Variants in C4orf50 observed in about 807,000 individuals in gnomAD.
The protein encoded by C4orf50 is uncharacterized protein C4orf50.
A neutral mutation model predicts 77.2 loss-of-function variants in C4orf50; 80 were observed. The ratio of observed to expected loss-of-function variants is 1.04; its 90% CI spans 0.87 to 1.25. The LOEUF (loss-of-function observed/expected upper bound fraction) is 1.25, where lower values mean the gene tolerates loss of function less well. C4orf50 is among the 50% of genes most tolerant of loss of function. C4orf50 has a pLI of 0.00. For synonymous variants in C4orf50, 532 were observed against 465.3 expected, an observed-to-expected ratio of 1.14 and a Z score of -1.84; for missense variants, 1,257 against 1,152.9, an observed-to-expected ratio of 1.09 and a Z score of -1.31.
In C4orf50 at chr4:6,011,456, A is replaced by C; in HGVS notation, c.426+374T>G. Among the ~76,000 whole-genome samples, 1 of 151,390 alleles carries C rather than the reference A, an allele frequency of 6.6e-6. No individual in the cohort carries two copies. The highest frequency in any genetic ancestry group is 2.0e-4 in the East Asian group (1 of 5,110). On this transcript the variant is annotated intron_variant, in intron 24 of 33. Transcript: ENST00000531445. This position sits in a 1 kb window ranked among gnomAD's most constrained non-coding sequence, Gnocchi z 4.2. ...GCCCCCTGAACACACGCCATGGGGGATCGCACACTCCCCCATGGCACCCCA... is the reference window on the plus strand; with the variant it reads ...GCCCCCTGAACACACGCCATGGGGGCTCGCACACTCCCCCATGGCACCCCA...
At chr4:5,926,198 G>C (rs1364688462) in intron 7 of C4orf50, among the ~76,000 whole-genome samples, 1 of 152,216 alleles carries the variant, frequency 6.6e-6, no homozygotes, top group African/African-American at 2.4e-5. Flanking sequence ...ATGTTCATCA[G>C]CTGGTGAATG....
intron 33 of C4orf50, among the ~76,000 whole-genome samples, chr4:5,962,587 C>G (rs532029129): frequency 3.0e-4 from 46 of 152,352 alleles, no homozygotes; most frequent in African/African-American, 1.1e-3. Context: ...ACCCCGCCCC[C>G]ATCCAGGCCA....
At chr4:5,995,815 A>T (rs73196036) in intron 25 of C4orf50, among the ~76,000 whole-genome samples, 9,848 of 152,256 alleles carry the variant, frequency 0.065, 342 homozygotes, top group African/African-American at 0.076. Context: ...GAAAACATTT[A>T]TTAGGCTCCT....
intron 33 of C4orf50, 65 bp downstream of exon 11, chr4:5,964,959 G>A (rs1043854452): frequency 2.6e-6 from 4 of 1,525,748 alleles, no homozygotes; most frequent in East Asian, 2.3e-5. Context: ...TTGCTAAGCT[G>A]TAAATGTGTT....
At chr4:5,903,541 T>C (rs950183234) in intron 7 of C4orf50, 2 of 152,122 alleles carry the variant, frequency 1.3e-5, no homozygotes, top group Admixed American at 1.3e-4. Context: ...AAACTAGTCA[T>C]GAAAGGACAA....
At position 5,926,401 on chromosome 4, in the gene C4orf50, G is replaced by A. The variant is rs975521614; in HGVS notation, c.*2475-28213C>T. ...CCAGAGCAGACAGACCCACAGGGAC[G>A]GAAAGTGGACCGCCGGATGTCAGTT... On this transcript the variant is annotated intron_variant, in intron 7 of 7. Coordinates refer to the C4orf50 transcript ENST00000324058. Among the ~76,000 whole-genome samples, 109 of 152,184 alleles carry A rather than the reference G, an allele frequency of 7.2e-4. 1 individual carries two copies. Among genetic ancestry groups the A allele is most frequent in the Non-Finnish European group, 3.7e-4 (25 of 68,028 alleles).
At chr4:5,935,190 C>T (rs1415077107) in intron 7 of C4orf50, among the ~76,000 whole-genome samples, 2 of 152,166 alleles carry the variant, frequency 1.3e-5, no homozygotes, top group Non-Finnish European at 2.9e-5. Context: ...AGCAATGGTG[C>T]CACTGCCACT....
intron 33 of C4orf50, 96 bp downstream of exon 11, chr4:5,964,928 G>T: frequency 8.4e-7 from 1 of 1,192,686 alleles, no homozygotes; most frequent in Non-Finnish European, 1.2e-6. Flanking sequence ...TGGCTTTCTG[G>T]GTGTATATCG....
intron 25 of C4orf50, among the ~76,000 whole-genome samples, chr4:6,003,465 T>C (rs1040330826): frequency 2.0e-5 from 3 of 151,458 alleles, no homozygotes; most frequent in Admixed American, 6.6e-5. Flanking sequence ...GTAATGGTGA[T>C]GATGGTGATG....
At chr4:5,933,745 T>C (rs1364699842) in intron 7 of C4orf50, among the ~76,000 whole-genome samples, 1 of 152,114 alleles carries the variant, frequency 6.6e-6, no homozygotes, top group Non-Finnish European at 1.5e-5. Context: ...AGGTCCCCTC[T>C]GGCCCAGACC....
At chr4:5,955,310 G>A (rs897885662), downstream of C4orf50, among the ~76,000 whole-genome samples, 1 of 152,072 alleles carries the variant, frequency 6.6e-6, no homozygotes, top group African/African-American at 2.4e-5. This position sits in a 1 kb window ranked among gnomAD's most constrained non-coding sequence, Gnocchi z 5.1. Flanking sequence ...GCGGGGAGAG[G>A]TGGGGTAAGG....
Position 5,939,348 on chromosome 4 carries a change from C to A in C4orf50, c.*2474+17553G>T, listed in dbSNP as rs73795123. 9.0e-3 allele frequency among the ~76,000 whole-genome samples: 1,367 copies of A among 152,308 alleles called. 17 individuals are homozygous for A. Among genetic ancestry groups the A allele is most frequent in the African/African-American group, 0.031 (1,306 of 41,562 alleles). ...AACATCCTCTGTCACTGTCCCCTCTCCATTAGTTTCCCATCTCTTTCAATC... is the reference window on the plus strand; with the variant it reads ...AACATCCTCTGTCACTGTCCCCTCTACATTAGTTTCCCATCTCTTTCAATC... On this transcript the variant is annotated intron_variant, in intron 7 of 7. Transcript: ENST00000324058.
At chr4:5,984,058 C>A (rs773522823) in intron 28 of C4orf50, among the ~76,000 whole-genome samples, 2 of 152,214 alleles carry the variant, frequency 1.3e-5, no homozygotes, top group Admixed American at 6.5e-5. Context: ...CTGTGGAACT[C>A]AGCTGATATC....
rs1349397055 is a variant in C4orf50, at chr4:5,919,432, G to C, written c.*2475-21244C>G. ...TGAGGCAGGGGCAGGTGGGGGTGGG[G>C]GGCACACCCTTTCCTAAAGGGGACT... On this transcript the variant is annotated intron_variant, in intron 7 of 7. Transcript: ENST00000324058. The surrounding 1 kb of genome is among the most constrained non-coding windows in gnomAD (Gnocchi z 6.5). Among the ~76,000 whole-genome samples, 1 of 152,054 alleles carries C rather than the reference G, an allele frequency of 6.6e-6. No homozygotes were observed. The highest frequency in any genetic ancestry group is 1.5e-5 in the Non-Finnish European group (1 of 68,016).
chr4:6,014,005 GT>G lies in C4orf50; in HGVS notation c.288-2038del, dbSNP rs35565123. On this transcript the variant is annotated intron_variant, in intron 23 of 33. Coordinates refer to ENST00000531445, the Ensembl canonical transcript of C4orf50. The stretch of plus-strand genomic sequence containing the variant: ...CTTTTACTGTGTTTTTAAGTTGTGT[GT>G]TTTTTTTTTTTTTGAGATGGAGTTT... Among the ~76,000 whole-genome samples, 77 of 97,356 alleles carry G rather than the reference GT, an allele frequency of 7.9e-4. 1 individual carries two copies. The highest frequency in any genetic ancestry group is 4.8e-3 in the Middle Eastern group (1 of 208). 63.9% of individuals were successfully genotyped at this position (97,356 alleles called of 152,430 possible).
chr4:5,975,324 G>A (rs549561212), intron 30 of C4orf50, among the ~76,000 whole-genome samples: 9 of 152,196 alleles, frequency 5.9e-5, no homozygotes, highest in African/African-American at 2.2e-4. Flanking sequence ...CAGCCTCAAA[G>A]GCTGGGACCC....
At chr4:6,004,295 ATGG>A (rs1722103534) in intron 25 of C4orf50, among the ~76,000 whole-genome samples, 1 of 45,310 alleles carries the variant, frequency 2.2e-5, no homozygotes, top group African/African-American at 7.8e-5. Flanking sequence ...GTTGGTGATG[ATGG>A]TGATGGTGGT....
rs1717015589 is a variant in C4orf50, at chr4:5,916,044, G to A, written c.*2475-17856C>T. On this transcript the variant is annotated intron_variant, in intron 7 of 7. Coordinates refer to the C4orf50 transcript ENST00000324058. This position sits in a 1 kb window ranked among gnomAD's most constrained non-coding sequence, Gnocchi z 4.4. ...GGGCAAAAATGGCACAGGAAGGCAA[G>A]GCTAGTCCTGTAACAAGGGATGGGT... Among the ~76,000 whole-genome samples the A allele has an allele frequency of 6.6e-6, 1 of 152,210 alleles. No homozygotes were observed. Among genetic ancestry groups the A allele is most frequent in the Admixed American group, 6.5e-5 (1 of 15,286 alleles).
rs1716338912 is a variant in C4orf50 at position 5,901,433 on chromosome 4, T to A, written c.*2475-3245A>T. The A allele has an allele frequency of 6.6e-6, 1 of 152,162 alleles. No homozygotes were observed. The highest frequency in any genetic ancestry group is 6.5e-5 in the Admixed American group (1 of 15,284). The allele number at this position is 152,162 out of a possible 1,614,324, so 9.4% of individuals were successfully genotyped here. On this transcript the variant is annotated intron_variant, in intron 7 of 7. Coordinates refer to the C4orf50 transcript ENST00000324058. This position sits in a 1 kb window ranked among gnomAD's most constrained non-coding sequence, Gnocchi z 4.4. ...CCACTTTCCCTAGTCTCGGAGCCAA[T>A]AACTTGCAGAACCCAGATTGCAGCC...
Sources: gnomAD v4.1 joint callset for allele counts (sites outside exome capture counted in the v4.1 genomes callset) on GRCh38, gnomAD v4.1.1 for gene constraint, Gnocchi (gnomAD v3.1) non-coding constraint, MANE v1.5 for transcripts, NCBI Gene and HGNC (gene_info 2026-07-23, HGNC 2026-07-21) for gene names.